The following DLGAP1 variants were observed in gnomAD, a reference collection of about 807,000 sequenced individuals.
The protein encoded by DLGAP1 is disks large-associated protein 1.
DLGAP1 carries 11 observed loss-of-function variants against 90.8 expected under a neutral mutation model. The ratio of observed to expected loss-of-function variants is 0.12; its 90% confidence interval spans 0.08 to 0.20. DLGAP1 has a LOEUF of 0.20. Ranked by LOEUF, DLGAP1 falls within the 10% of genes least tolerant of loss-of-function variation. DLGAP1 has a pLI of 1.00. For synonymous variants in DLGAP1, 558 were observed against 540.7 expected (o/e 1.03, Z -0.44); for missense variants, 1,050 against 1,333.8 (o/e 0.79, Z 3.31).
intron 1 of DLGAP1, among the ~76,000 whole-genome samples, chr18:4,436,510 C>T (rs186130954): frequency 1.3e-5 from 2 of 152,104 alleles, no homozygotes; most frequent in South Asian, 2.1e-4. Flanking sequence ...CATTAGTCAT[C>T]GGTTCTTATC....
intron 1 of DLGAP1, among the ~76,000 whole-genome samples, chr18:4,169,119 A>G (rs1479452152): frequency 6.6e-6 from 1 of 152,124 alleles, no homozygotes; most frequent in Non-Finnish European, 1.5e-5. Context: ...TTTTTTGAGG[A>G]AAAACCATAT....
chr18:4,319,386 T>C (rs1295920317), intron 1 of DLGAP1, among the ~76,000 whole-genome samples: 1 of 152,210 alleles, frequency 6.6e-6, no homozygotes, highest in Non-Finnish European at 1.5e-5. Context: ...GATGTCTAAT[T>C]ATGCTAAACA....
At chr18:4,414,729 A>AAG (rs1391069748) in intron 1 of DLGAP1, among the ~76,000 whole-genome samples, 1 of 151,816 alleles carries the variant, frequency 6.6e-6, no homozygotes, top group East Asian at 1.9e-4. Context: ...CTGTCAAAAA[A>AAG]AAAAAAAGAA....
intron 1 of DLGAP1, among the ~76,000 whole-genome samples, chr18:4,412,484 G>A (rs1032019077): frequency 1.3e-5 from 2 of 152,212 alleles, no homozygotes; most frequent in East Asian, 1.9e-4. Flanking sequence ...TGCTGGCTCT[G>A]CTAACAGAGA....
At chr18:3,930,040 C>T (rs1018371004) in intron 3 of DLGAP1, among the ~76,000 whole-genome samples, 1 of 152,194 alleles carries the variant, frequency 6.6e-6, no homozygotes. Context: ...GTCTGCTGGG[C>T]TAATAACACC....
At chr18:3,688,657 ACACACACAC>A (rs1567965698) in intron 7 of DLGAP1, among the ~76,000 whole-genome samples, 10,107 of 127,022 alleles carry the variant, frequency 0.08, 555 homozygotes, top group South Asian at 0.17. Context: ...ACACACACAC[ACACACACAC>A]ACCCTACCAA....
At chr18:4,249,372 C>T (rs904594444) in intron 1 of DLGAP1, among the ~76,000 whole-genome samples, 13 of 144,224 alleles carry the variant, frequency 9.0e-5, no homozygotes, top group Non-Finnish European at 1.3e-4. Context: ...TGAAAAAGAG[C>T]AAGAGTGCAC....
At chr18:4,175,988 A>G (rs552144801) in intron 1 of DLGAP1, among the ~76,000 whole-genome samples, 2 of 152,316 alleles carry the variant, frequency 1.3e-5, no homozygotes, top group East Asian at 3.9e-4. Flanking sequence ...GTTGATTGTA[A>G]TAGTATTTAA....
chr18:4,109,007 T>C (rs2075921716), intron 2 of DLGAP1, among the ~76,000 whole-genome samples: 1 of 152,200 alleles, frequency 6.6e-6, no homozygotes, highest in African/African-American at 2.4e-5. Context: ...AAGAACTCCG[T>C]AATGTTTGGA....
intron 7 of DLGAP1, among the ~76,000 whole-genome samples, chr18:3,665,522 A>G (rs1477527511): frequency 6.6e-6 from 1 of 152,216 alleles, no homozygotes; most frequent in Non-Finnish European, 1.5e-5. Context: ...TGCCACATAT[A>G]AAATAAGCTC....
chr18:3,731,098 A>C (rs991259455), intron 6 of DLGAP1, among the ~76,000 whole-genome samples: 4 of 152,180 alleles, frequency 2.6e-5, no homozygotes, highest in Non-Finnish European at 5.9e-5. Context: ...TTAAGGTTGC[A>C]ATTATTTCAA....
At chr18:4,168,207 T>A (rs1291201761) in intron 1 of DLGAP1, among the ~76,000 whole-genome samples, 1 of 152,192 alleles carries the variant, frequency 6.6e-6, no homozygotes, top group Non-Finnish European at 1.5e-5. Flanking sequence ...GCTGTAGTAA[T>A]CAAGACAGTA....
chr18:3,873,488 T>C (rs2070876768), intron 4 of DLGAP1, among the ~76,000 whole-genome samples: 1 of 152,106 alleles, frequency 6.6e-6, no homozygotes, highest in South Asian at 2.1e-4. Flanking sequence ...CAAAGAAACA[T>C]CCCAGTAGCC....
chr18:4,060,729 G>A (rs1371264678), intron 2 of DLGAP1, among the ~76,000 whole-genome samples: 1 of 152,082 alleles, frequency 6.6e-6, no homozygotes, highest in Non-Finnish European at 1.5e-5. Flanking sequence ...TTTCTCGTAA[G>A]GAAGATTATA....
At chr18:4,344,008 G>A (rs1186752296) in intron 1 of DLGAP1, among the ~76,000 whole-genome samples, 1 of 152,080 alleles carries the variant, frequency 6.6e-6, no homozygotes, top group East Asian at 1.9e-4. Flanking sequence ...ATGAATTGTG[G>A]TTTCAAAAGT....
intron 2 of DLGAP1, among the ~76,000 whole-genome samples, chr18:4,012,156 T>C (rs1347523012): frequency 6.6e-6 from 1 of 152,190 alleles, no homozygotes; most frequent in Non-Finnish European, 1.5e-5. Context: ...CCACCTCTCC[T>C]GGCCTCTTCA....
At chr18:4,000,735 C>A (rs2074166635) in intron 3 of DLGAP1, among the ~76,000 whole-genome samples, 1 of 152,184 alleles carries the variant, frequency 6.6e-6, no homozygotes, top group South Asian at 2.1e-4. Context: ...ATATTTTATA[C>A]CATTGTCTTC....
intron 3 of DLGAP1, among the ~76,000 whole-genome samples, chr18:3,898,762 C>T (rs1476873048): frequency 6.6e-6 from 1 of 152,096 alleles, no homozygotes; most frequent in African/African-American, 2.4e-5. Flanking sequence ...ATCACGCTTT[C>T]CAACATGAAC....
Position 3,656,007 on chromosome 18 carries a change from A to G in DLGAP1, c.1591+73128T>C, listed in dbSNP as rs1009061220. 1.9e-4 allele frequency: 258 copies of G among 1,393,158 alleles called. 1 individual carries two copies. Among genetic ancestry groups the G allele is most frequent in the Non-Finnish European group, 8.1e-5 (83 of 1,030,300 alleles). 86.3% of individuals were successfully genotyped at this position (1,393,158 alleles called of 1,614,324 possible). A position where few individuals can be genotyped will look rare whatever the true frequency, so the allele number is the denominator to read the frequency against. On this transcript the variant is annotated intron_variant, in intron 7 of 12. Coordinates refer to ENST00000315677, the MANE Select transcript of DLGAP1 (RefSeq NM_004746.4). ...ACATGGCGTCAAACACCACTGCCAC[A>G]GAAGCTTTTTAGCTACAAGCCACGC...
Sources: allele counts gnomAD v4.1 joint callset (sites outside exome capture counted in the v4.1 genomes callset), GRCh38; gene constraint gnomAD v4.1.1; transcripts MANE v1.5; gene names NCBI Gene and HGNC (gene_info 2026-07-23, HGNC 2026-07-21).